The following LDB2 variants were observed in gnomAD, a reference collection of about 807,000 sequenced individuals.
The protein encoded by LDB2 is LIM domain binding 2, also known as LIM domain-binding protein 2.
A neutral mutation model predicts 44.3 loss-of-function variants in LDB2; 12 were observed. The observed-to-expected ratio is 0.27, with a 90% CI of 0.17 to 0.44. The LOEUF (loss-of-function observed/expected upper bound fraction) is 0.44. Ranked by LOEUF, LDB2 falls within the 20% of genes least tolerant of loss-of-function variation. The pLI, the probability that LDB2 is intolerant of heterozygous loss-of-function variation, is 1.00. For missense variants in LDB2, 344 were observed against 473.5 expected (o/e 0.73, Z 2.54); for synonymous variants, 164 against 174.8 (o/e 0.94, Z 0.49).
intron 2 of LDB2, among the ~76,000 whole-genome samples, chr4:16,702,433 A>C (rs1223216172): frequency 1.3e-5 from 2 of 152,086 alleles, no homozygotes; most frequent in African/African-American, 4.8e-5. Context: ...TCACCTGAAC[A>C]TGTATCATTT....
intron 1 of LDB2, among the ~76,000 whole-genome samples, chr4:16,806,280 T>C (rs573817035): frequency 1.1e-4 from 16 of 152,360 alleles, no homozygotes; most frequent in African/African-American, 3.1e-4. Context: ...GCACTTACTG[T>C]GGATCTTGTA....
intron 1 of LDB2, among the ~76,000 whole-genome samples, chr4:16,863,573 T>G (rs182648593): frequency 6.6e-6 from 1 of 151,876 alleles, no homozygotes; most frequent in Non-Finnish European, 1.5e-5. Flanking sequence ...GCCAGGTGAC[T>G]GAGTTTTATA....
chr4:16,820,512 A>G (rs1428771190), intron 1 of LDB2, among the ~76,000 whole-genome samples: 2 of 152,210 alleles, frequency 1.3e-5, no homozygotes, highest in Non-Finnish European at 2.9e-5. Context: ...TCAAGGGAAC[A>G]TCGAAGGAAG....
chr4:16,699,474 T>C (rs904310994), intron 2 of LDB2, among the ~76,000 whole-genome samples: 1 of 152,224 alleles, frequency 6.6e-6, no homozygotes, highest in Non-Finnish European at 1.5e-5. Flanking sequence ...TAGTTCTGTA[T>C]ACCAATACCA....
rs763093497 is a variant in LDB2, at chr4:16,502,608, G to A, written c.*35C>T. 6.2e-5 allele frequency: 100 copies of A among 1,606,718 alleles called. No individual in the cohort carries two copies. The South Asian group carries it at 7.7e-4, about 12-fold the overall frequency. On this transcript the variant is annotated 3_prime_UTR_variant, in exon 8 of 8. Transcript: ENST00000304523. The stretch of plus-strand genomic sequence containing the variant: ...ATTTGCAATTGTAATGATCACCCAC[G>A]GGCCTATTGACAGTGGATTCTGGTG...
intron 2 of LDB2, among the ~76,000 whole-genome samples, chr4:16,634,791 G>A (rs1012756455): frequency 1.3e-5 from 2 of 152,150 alleles, no homozygotes; most frequent in Admixed American, 6.5e-5. Context: ...CCATTACGGG[G>A]CATATACCCA....
At chr4:16,724,888 T>C (rs922353790) in intron 2 of LDB2, among the ~76,000 whole-genome samples, 23 of 152,316 alleles carry the variant, frequency 1.5e-4, no homozygotes, top group African/African-American at 5.3e-4. Context: ...TCTAGTCATT[T>C]AGTTAACTGA....
At chr4:16,768,112 T>G (rs1462184555) in intron 1 of LDB2, among the ~76,000 whole-genome samples, 1 of 152,182 alleles carries the variant, frequency 6.6e-6, no homozygotes, top group Non-Finnish European at 1.5e-5. Flanking sequence ...GAAATTACCA[T>G]GGCAACCACT....
chr4:16,848,835 C>T (rs770590849), intron 1 of LDB2, among the ~76,000 whole-genome samples: 15 of 152,086 alleles, frequency 9.9e-5, no homozygotes, highest in Non-Finnish European at 7.3e-5. Context: ...CATCCTGGCC[C>T]AAGTCAGAAT....
At chr4:16,824,278 A>G (rs1782648530) in intron 1 of LDB2, among the ~76,000 whole-genome samples, 2 of 152,322 alleles carry the variant, frequency 1.3e-5, no homozygotes, top group African/African-American at 4.8e-5. Flanking sequence ...AGAATAGTAC[A>G]AGTTAAATAT....
intron 5 of LDB2, among the ~76,000 whole-genome samples, chr4:16,522,281 T>TGTGC (rs145451725): frequency 2.6e-5 from 4 of 151,598 alleles, no homozygotes; most frequent in African/African-American, 4.8e-5. Flanking sequence ...TGTGTTTGTG[T>TGTGC]GTGTGTGTGT....
intron 5 of LDB2, among the ~76,000 whole-genome samples, chr4:16,516,585 G>A (rs1723813733): frequency 6.6e-6 from 1 of 152,150 alleles, no homozygotes; most frequent in Non-Finnish European, 1.5e-5. Context: ...GTACGACAAG[G>A]TAGACGGTGG....
At chr4:16,845,146 T>A (rs1786705351) in intron 1 of LDB2, among the ~76,000 whole-genome samples, 1 of 152,146 alleles carries the variant, frequency 6.6e-6, no homozygotes, top group African/African-American at 2.4e-5. Flanking sequence ...CTGCACAAGG[T>A]CAGTGGCCTT....
chr4:16,688,346 G>A (rs1001482877), intron 2 of LDB2, among the ~76,000 whole-genome samples: 1 of 152,198 alleles, frequency 6.6e-6, no homozygotes, highest in Non-Finnish European at 1.5e-5. Context: ...TGCTTAAGCA[G>A]CCTCCCAGGC....
At chr4:16,697,922 G>A (rs1053903377) in intron 2 of LDB2, among the ~76,000 whole-genome samples, 2 of 152,232 alleles carry the variant, frequency 1.3e-5, no homozygotes, top group Non-Finnish European at 2.9e-5. Flanking sequence ...CACCATGGCA[G>A]TGCTAGCAAC....
chr4:16,502,592 T>C lies in LDB2; in HGVS notation c.*51A>G, dbSNP rs1234751751. 2 of 1,595,722 alleles carry C rather than the reference T, an allele frequency of 1.3e-6. No homozygotes were observed. Among genetic ancestry groups the C allele is most frequent in the Admixed American group, 1.7e-5 (1 of 59,516 alleles). On this transcript the variant is annotated 3_prime_UTR_variant, in exon 8 of 8. Transcript: ENST00000304523. ...TCTCCTGTAAGTAAAGATTTGCAAT[T>C]GTAATGATCACCCACGGGCCTATTG...
chr4:16,841,552 C>T (rs1458000509), intron 1 of LDB2, among the ~76,000 whole-genome samples: 2 of 152,206 alleles, frequency 1.3e-5, no homozygotes, highest in African/African-American at 4.8e-5. Context: ...GAGAACATTA[C>T]TTTTCATCTC....
chr4:16,708,468 T>C (rs1416899623), intron 2 of LDB2, among the ~76,000 whole-genome samples: 4 of 152,122 alleles, frequency 2.6e-5, no homozygotes, highest in Non-Finnish European at 5.9e-5. Context: ...CCCCTGGACA[T>C]GTCCTCTTCC....
intron 1 of LDB2, among the ~76,000 whole-genome samples, chr4:16,835,514 T>C (rs183431584): frequency 1.2e-4 from 18 of 152,334 alleles, no homozygotes; most frequent in Admixed American, 1.0e-3. Flanking sequence ...AAATTGTTCA[T>C]CCATTTCCCT....
Sources: allele counts gnomAD v4.1 joint callset (sites outside exome capture counted in the v4.1 genomes callset), GRCh38; gene constraint gnomAD v4.1.1; transcripts MANE v1.5; gene names NCBI Gene and HGNC (gene_info 2026-07-23, HGNC 2026-07-21).